Variants in CDK19 observed in about 807,000 individuals in gnomAD.
CDK19 encodes cyclin-dependent kinase 19.
In CDK19, 20 loss-of-function variants were observed where a neutral mutation model predicts 68.3. The observed-to-expected ratio is 0.29, with a 90% CI of 0.21 to 0.43. The LOEUF is 0.43. Among genes scored for constraint, CDK19 ranks in the 20% least tolerant of loss-of-function variants. The probability of loss-of-function intolerance (pLI) is 1.00; values close to 1 mark genes in which losing one functional copy is unlikely to be tolerated. For synonymous variants in CDK19, 221 were observed against 222.8 expected, an observed-to-expected ratio of 0.99 and a Z score of 0.07; for missense variants, 339 against 623.5, an observed-to-expected ratio of 0.54 and a Z score of 4.86.
At chr6:110,656,381 G>A (rs1478236171) in intron 4 of CDK19, among the ~76,000 whole-genome samples, 2 of 152,116 alleles carry the variant, frequency 1.3e-5, no homozygotes, top group East Asian at 3.8e-4. Flanking sequence ...ATGACAATTA[G>A]GTTCCATAAT....
At chr6:110,640,278 G>C (rs1780060939) in intron 4 of CDK19, among the ~76,000 whole-genome samples, 2 of 151,528 alleles carry the variant, frequency 1.3e-5, no homozygotes, top group Admixed American at 6.6e-5. Flanking sequence ...CTCATGTTGA[G>C]GGTAGTAGGA....
Position 110,621,527 on chromosome 6 carries a change from G to C in CDK19, c.1111-157C>G, listed in dbSNP as rs1778717525. Among the ~76,000 whole-genome samples, 1 of 152,140 alleles carries C rather than the reference G, an allele frequency of 6.6e-6. No homozygotes were observed. Among genetic ancestry groups the C allele is most frequent in the African/African-American group, 2.4e-5 (1 of 41,416 alleles). On this transcript the variant is annotated intron_variant, in intron 11 of 12. Coordinates refer to ENST00000368911, the MANE Select transcript of CDK19 (RefSeq NM_015076.5). This position sits in a 1 kb window ranked among gnomAD's most constrained non-coding sequence, Gnocchi z 5.4. ...AGGACTGGAGAATGGAGCAGCCAGGGAACACAGTGTTCCCAAAGGGCAAGG... is the reference window on the plus strand; with the variant it reads ...AGGACTGGAGAATGGAGCAGCCAGGCAACACAGTGTTCCCAAAGGGCAAGG...
chr6:110,630,896 C>CT (rs1779398634), intron 6 of CDK19, among the ~76,000 whole-genome samples: 1 of 152,228 alleles, frequency 6.6e-6, no homozygotes, highest in African/African-American at 2.4e-5. Context: ...GTTCTGGTGT[C>CT]TGAGTTTTGC....
At chr6:110,637,347 G>A (rs1210015286) in intron 5 of CDK19, among the ~76,000 whole-genome samples, 2 of 152,202 alleles carry the variant, frequency 1.3e-5, no homozygotes, top group African/African-American at 4.8e-5. Context: ...GGGGAGGGAA[G>A]AGAAGGAAAG....
At chr6:110,734,622 C>T (rs1777092456) in intron 2 of CDK19, among the ~76,000 whole-genome samples, 1 of 146,166 alleles carries the variant, frequency 6.8e-6, no homozygotes, top group South Asian at 2.2e-4. Context: ...CTCCCTTCTC[C>T]ACCTGGCTAG....
chr6:110,733,108 A>G (rs1776885945), intron 2 of CDK19, among the ~76,000 whole-genome samples: 1 of 152,042 alleles, frequency 6.6e-6, no homozygotes, highest in Admixed American at 6.6e-5. Flanking sequence ...TTTCCACTCA[A>G]CCCTCCTGCC....
intron 1 of CDK19, among the ~76,000 whole-genome samples, chr6:110,768,285 T>C (rs1288426532): frequency 6.6e-6 from 1 of 152,220 alleles, no homozygotes; most frequent in Admixed American, 6.5e-5. Context: ...CGTTCATTGC[T>C]GGTGGGAATG....
intron 4 of CDK19, among the ~76,000 whole-genome samples, chr6:110,644,921 T>G (rs932876866): frequency 6.6e-6 from 1 of 152,218 alleles, no homozygotes; most frequent in Non-Finnish European, 1.5e-5. Flanking sequence ...AAAGTTCAAT[T>G]CACCAGGAAG....
intron 4 of CDK19, among the ~76,000 whole-genome samples, chr6:110,648,122 T>C (rs1451485994): frequency 2.0e-5 from 3 of 152,144 alleles, no homozygotes; most frequent in East Asian, 1.9e-4. Flanking sequence ...AAGGAAACAT[T>C]AGAAGTATTT....
intron 4 of CDK19, among the ~76,000 whole-genome samples, chr6:110,665,184 T>C (rs934999581): frequency 1.6e-4 from 24 of 152,314 alleles, no homozygotes; most frequent in African/African-American, 4.8e-4. Flanking sequence ...GGGAAACAGA[T>C]TGTTGACAAC....
intron 4 of CDK19, among the ~76,000 whole-genome samples, chr6:110,660,558 A>G (rs989583102): frequency 6.6e-6 from 1 of 152,078 alleles, no homozygotes; most frequent in Non-Finnish European, 1.5e-5. Flanking sequence ...GAAGATGGTA[A>G]ATGTAGGGGA....
Position 110,746,095 on chromosome 6 carries a change from AAAAT to A in CDK19, c.204+27_204+30del, listed in dbSNP as rs765266543. 5.9e-6 allele frequency: 7 copies of A among 1,192,158 alleles called. No homozygotes were observed. The East Asian group carries it at 1.0e-4, about 17-fold the overall frequency. 73.8% of individuals were successfully genotyped at this position (1,192,158 alleles called of 1,614,324 possible). On this transcript the variant is annotated intron_variant, in intron 2 of 12. Coordinates refer to ENST00000368911, the MANE Select transcript of CDK19 (RefSeq NM_015076.5). ...TAAATCATCACCCAATATCAATAAT[AAAAT>A]AAATAACTGTATTTGTATCCACTTA...
intron 4 of CDK19, among the ~76,000 whole-genome samples, chr6:110,642,166 T>C (rs1780236190): frequency 6.6e-6 from 1 of 152,148 alleles, no homozygotes; most frequent in African/African-American, 2.4e-5. Flanking sequence ...CTGGGCGTGG[T>C]GGTGTGCACC....
intron 4 of CDK19, among the ~76,000 whole-genome samples, chr6:110,651,150 G>A (rs911488824): frequency 2.0e-5 from 3 of 151,992 alleles, no homozygotes; most frequent in Admixed American, 2.0e-4. Context: ...AGAGACTTCG[G>A]GTTTTACATG....
At chr6:110,673,049 C>A (rs865948474) in intron 2 of CDK19, among the ~76,000 whole-genome samples, 1 of 152,050 alleles carries the variant, frequency 6.6e-6, no homozygotes, top group African/African-American at 2.4e-5. Context: ...ATTTCCAGAA[C>A]TTTTTCATCC....
chr6:110,751,317 T>C (rs780897536), intron 1 of CDK19, among the ~76,000 whole-genome samples: 4 of 151,978 alleles, frequency 2.6e-5, no homozygotes, highest in Non-Finnish European at 5.9e-5. Flanking sequence ...GAGCTCCACC[T>C]CCCGTCAGAT....
At chr6:110,669,521 C>T (rs1176518358) in intron 3 of CDK19, among the ~76,000 whole-genome samples, 2 of 152,146 alleles carry the variant, frequency 1.3e-5, no homozygotes, top group African/African-American at 4.8e-5. Flanking sequence ...TGGCTCATGC[C>T]TATAATCTCA....
chr6:110,751,137 T>A (rs553204218), intron 1 of CDK19, among the ~76,000 whole-genome samples: 2 of 152,148 alleles, frequency 1.3e-5, no homozygotes, highest in Non-Finnish European at 2.9e-5. Flanking sequence ...CCCAGCCCAA[T>A]ACTTCTCTTT....
chr6:110,687,612 G>A (rs1772602500), intron 2 of CDK19, among the ~76,000 whole-genome samples: 1 of 152,226 alleles, frequency 6.6e-6, no homozygotes, highest in Admixed American at 6.5e-5. Context: ...AGAGGGGGAT[G>A]AGCTTCCACA....
Sources: gnomAD v4.1 joint callset for allele counts (sites outside exome capture counted in the v4.1 genomes callset) on GRCh38, gnomAD v4.1.1 for gene constraint, Gnocchi (gnomAD v3.1) non-coding constraint, MANE v1.5 for transcripts, NCBI Gene and HGNC (gene_info 2026-07-23, HGNC 2026-07-21) for gene names.